Variants in CSTPP1 observed in about 807,000 individuals in gnomAD.
CSTPP1 encodes the protein centriolar satellite-associated tubulin polyglutamylase complex regulator 1, also known as UPF0705 protein C11orf49.
chr11:47,140,380 T>C, the CSTPP1 span, among the ~76,000 whole-genome samples: 3 of 152,332 alleles, frequency 2.0e-5, no homozygotes, highest in South Asian at 6.2e-4. Context: ...TCCATGATCG[T>C]TCCCCTTTGG....
chr11:47,146,734 G>GAA, the CSTPP1 span, among the ~76,000 whole-genome samples: 2 of 152,206 alleles, frequency 1.3e-5, no homozygotes, highest in Non-Finnish European at 2.9e-5. Flanking sequence ...GAAACATGCA[G>GAA]TATTGTTTGT....
At chr11:47,052,720 A>C in the CSTPP1 span, 1 of 601,278 alleles carries the variant, frequency 1.7e-6, no homozygotes. Flanking sequence ...TGTCTGGTTT[A>C]TGTCAAAGAT....
At chr11:47,078,187 AG>A in the CSTPP1 span, among the ~76,000 whole-genome samples, 1 of 152,238 alleles carries the variant, frequency 6.6e-6, no homozygotes, top group Non-Finnish European at 1.5e-5. Flanking sequence ...AAAGAAGCAA[AG>A]CAAAAAACAG....
the CSTPP1 span, chr11:47,041,445 C>G: frequency 3.5e-6 from 1 of 289,694 alleles, no homozygotes; most frequent in South Asian, 2.7e-5. Flanking sequence ...TCCCCAAGAC[C>G]TAGAACGTTG....
chr11:47,063,040 A>G, the CSTPP1 span, among the ~76,000 whole-genome samples: 1 of 152,192 alleles, frequency 6.6e-6, no homozygotes, highest in Non-Finnish European at 1.5e-5. Context: ...TACCATTGCT[A>G]GAGCTTCTTG....
At chr11:47,067,492 G>A in the CSTPP1 span, among the ~76,000 whole-genome samples, 2 of 152,144 alleles carry the variant, frequency 1.3e-5, no homozygotes, top group Admixed American at 6.5e-5. Context: ...GGAAATTAAG[G>A]TTAAGAGAGG....
chr11:46,976,912 A>T, the CSTPP1 span, among the ~76,000 whole-genome samples: 1 of 152,136 alleles, frequency 6.6e-6, no homozygotes, highest in Admixed American at 6.5e-5. Flanking sequence ...AAAAACCCTC[A>T]CTTTTAAGTG....
At chr11:47,140,709 G>A in the CSTPP1 span, among the ~76,000 whole-genome samples, 5 of 151,810 alleles carry the variant, frequency 3.3e-5, no homozygotes, top group Non-Finnish European at 7.4e-5. Context: ...AAAGTGCCTG[G>A]GATTACAGGC....
the CSTPP1 span, among the ~76,000 whole-genome samples, chr11:47,058,309 T>C: frequency 3.3e-5 from 5 of 152,002 alleles, no homozygotes; most frequent in African/African-American, 1.2e-4. Context: ...GCCTGGGCAA[T>C]AGAGTAAGAC....
At chr11:47,151,142 G>T in the CSTPP1 span, among the ~76,000 whole-genome samples, 9 of 152,162 alleles carry the variant, frequency 5.9e-5, no homozygotes, top group African/African-American at 2.2e-4. Flanking sequence ...TCAATTAGAA[G>T]AAGGCTCACG....
At chr11:47,024,522 A>T in the CSTPP1 span, among the ~76,000 whole-genome samples, 1 of 152,288 alleles carries the variant, frequency 6.6e-6, no homozygotes, top group Non-Finnish European at 1.5e-5. Context: ...ATATTGAGAA[A>T]TGTCCTTTGA....
the CSTPP1 span, among the ~76,000 whole-genome samples, chr11:47,058,740 C>T: frequency 2.0e-5 from 3 of 152,154 alleles, no homozygotes; most frequent in Non-Finnish European, 4.4e-5. Context: ...TGTTAAATAA[C>T]TTGCTGTAGG....
the CSTPP1 span, chr11:46,936,953 G>A: frequency 7.7e-7 from 1 of 1,293,442 alleles, no homozygotes; most frequent in Admixed American, 3.7e-5. Flanking sequence ...TCGGGTCCGG[G>A]TGGTATGGGG....
the CSTPP1 span, among the ~76,000 whole-genome samples, chr11:46,951,356 G>A: frequency 1.3e-5 from 2 of 150,120 alleles, no homozygotes; most frequent in Non-Finnish European, 2.9e-5. Context: ...AAGTGCAGTG[G>A]CATGATCATG....
the CSTPP1 span, among the ~76,000 whole-genome samples, chr11:47,073,457 G>A: frequency 6.6e-6 from 1 of 152,162 alleles, no homozygotes; most frequent in Non-Finnish European, 1.5e-5. Flanking sequence ...ACTTTGGGGG[G>A]CCAGGGTAGG....
the CSTPP1 span, among the ~76,000 whole-genome samples, chr11:47,147,978 T>C: frequency 6.6e-6 from 1 of 152,136 alleles, no homozygotes; most frequent in Non-Finnish European, 1.5e-5. Context: ...TCAGGGCAAG[T>C]AGGGTTTGGG....
chr11:47,132,158 C>T, the CSTPP1 span, among the ~76,000 whole-genome samples: 1 of 152,152 alleles, frequency 6.6e-6, no homozygotes, highest in African/African-American at 2.4e-5. Flanking sequence ...TCACACTTTA[C>T]AACTCCTGGT....
the CSTPP1 span, chr11:47,137,746 C>T: frequency 1.9e-5 from 30 of 1,611,374 alleles, no homozygotes; most frequent in Admixed American, 5.0e-5. Flanking sequence ...CTCCTGGACT[C>T]TTGAAACCAA....
the CSTPP1 span, among the ~76,000 whole-genome samples, chr11:47,036,292 T>G: frequency 1.3e-5 from 1 of 79,626 alleles, no homozygotes; most frequent in East Asian, 2.7e-4. Context: ...TATTTATATA[T>G]TCAACAAGAT....
Sources: allele counts gnomAD v4.1 joint callset (sites outside exome capture counted in the v4.1 genomes callset), GRCh38; gene constraint gnomAD v4.1.1; transcripts MANE v1.5; gene names NCBI Gene and HGNC (gene_info 2026-07-23, HGNC 2026-07-21).